Variants in GAK observed in about 807,000 individuals in gnomAD.
GAK encodes the protein cyclin-G-associated kinase.
GAK carries 79 observed loss-of-function variants against 143.9 expected under a neutral mutation model. The ratio of observed to expected loss-of-function variants is 0.55; its 90% confidence interval spans 0.46 to 0.66. The LOEUF is 0.66. GAK is among the 30% of genes least tolerant of loss of function. GAK has a pLI of 0.00. For synonymous variants in GAK, 881 were observed against 765.5 expected (o/e 1.15, Z -2.49); for missense variants, 1,693 against 1,779.7 (o/e 0.95, Z 0.88).
At chr4:910,349 C>T (rs191279375) in intron 4 of GAK, among the ~76,000 whole-genome samples, 7 of 128,346 alleles carry the variant, frequency 5.5e-5, no homozygotes, top group Admixed American at 4.7e-4. Context: ...CAGGGCCCCC[C>T]CAACTAAATG....
chr4:884,048 G>C lies in GAK; in HGVS notation c.1244C>G (p.Ser415Cys). 1 of 1,613,838 alleles carries C rather than the reference G, an allele frequency of 6.2e-7. No individual in the cohort carries two copies. Residue 415 changes from serine to cysteine, a missense_variant, in exon 12 of 28, where the codon TCC (serine) becomes TGC (cysteine). Around this residue, in one of 2 missense-constraint regions of GAK, gnomAD observed 871 missense variants for 991.0 expected, o/e 0.88. Coordinates refer to ENST00000314167, the MANE Select transcript of GAK (RefSeq NM_005255.4). The stretch of plus-strand genomic sequence containing the variant: ...TGTGGCACGCATACCTGCAATTCTG[G>C]ATGTGATGTAAGATATGTCCAGGTC... Reference protein sequence around the residue: ...KGDLDISYITSRIAVMSFPAE... With the variant: ...KGDLDISYITCRIAVMSFPAE...
intron 18 of GAK, among the ~76,000 whole-genome samples, chr4:871,342 G>A (rs1022209163): frequency 1.3e-5 from 2 of 152,212 alleles, no homozygotes; most frequent in African/African-American, 4.8e-5. Context: ...TCCAAGGCAG[G>A]CGCTGGCCCT....
At chr4:929,614 G>C (rs894700487) in intron 1 of GAK, among the ~76,000 whole-genome samples, 2 of 151,908 alleles carry the variant, frequency 1.3e-5, no homozygotes, top group African/African-American at 4.8e-5. Context: ...AGCTACTCGG[G>C]AGGCCGAGGC....
intron 19 of GAK, chr4:869,446 G>A (rs1199303810): frequency 3.2e-5 from 4 of 124,978 alleles, no homozygotes; most frequent in African/African-American, 1.3e-4. Context: ...ACAGTACACA[G>A]GAATGCACAC....
At chr4:862,657 C>CA (rs34817637) in intron 23 of GAK, among the ~76,000 whole-genome samples, 24,570 of 123,372 alleles carry the variant, frequency 0.2, 2,183 homozygotes, top group Middle Eastern at 0.35. Flanking sequence ...GACTCTGTCT[C>CA]AAAAAAAAAA....
chr4:917,307 T>C (rs1312132384), intron 1 of GAK, among the ~76,000 whole-genome samples: 1 of 148,180 alleles, frequency 6.7e-6, no homozygotes, highest in African/African-American at 2.5e-5. Context: ...AATGAATCTA[T>C]AGTAACAGAA....
chr4:910,379 G>A (rs957801946), intron 4 of GAK, among the ~76,000 whole-genome samples: 3 of 115,528 alleles, frequency 2.6e-5, no homozygotes, highest in East Asian at 2.4e-4. Context: ...CACAAAGCAC[G>A]GGATGCCCCC....
At chr4:862,685 A>C (rs1338291546) in intron 23 of GAK, among the ~76,000 whole-genome samples, 1 of 151,618 alleles carries the variant, frequency 6.6e-6, no homozygotes, top group Non-Finnish European at 1.5e-5. Flanking sequence ...TTCTAAATTG[A>C]CTCGGCTTGT....
At position 932,292 on chromosome 4, in the gene GAK, C is replaced by T; in HGVS notation, c.-105G>A. ...AGCAACCGCCGGCCCGGAGGTGCAC[C>T]ATCTTCCGCCTCGACGCCGTGACGT... On this transcript the variant is annotated 5_prime_UTR_variant, in exon 1 of 28. An upstream start codon of the reference 5' UTR is lost. Transcript: ENST00000314167. The surrounding 1 kb of genome is among the most constrained non-coding windows in gnomAD (Gnocchi z 4.0). 3.6e-6 allele frequency: 5 copies of T among 1,388,586 alleles called. No individual in the cohort carries two copies. The highest frequency in any genetic ancestry group is 4.6e-6 in the Non-Finnish European group (5 of 1,079,402). 86.0% of individuals were successfully genotyped at this position (1,388,586 alleles called of 1,614,324 possible). A position where few individuals can be genotyped will look rare whatever the true frequency, so the allele number is the denominator to read the frequency against.
At chr4:861,770 A>G (rs1386143346) in intron 23 of GAK, among the ~76,000 whole-genome samples, 1 of 152,212 alleles carries the variant, frequency 6.6e-6, no homozygotes. Flanking sequence ...TCTGGAGAGA[A>G]GGTCGGACCA....
At chr4:884,539 G>A (rs559329615) in intron 11 of GAK, 181 of 164,648 alleles carry the variant, frequency 1.1e-3, no homozygotes, top group Middle Eastern at 2.9e-3. Flanking sequence ...TCCAGCAGAC[G>A]CCGCTGGAGG....
chr4:859,861 C>T lies in GAK; in HGVS notation c.3167-139G>A, dbSNP rs983242823. On this transcript the variant is annotated intron_variant, in intron 23 of 27. Coordinates refer to ENST00000314167, the MANE Select transcript of GAK (RefSeq NM_005255.4). The stretch of plus-strand genomic sequence containing the variant: ...CTGGCACCTGCATGGCTTGCGTGCA[C>T]GAGACCAGCCAGGACAGAGGTGTGT... The T allele has an allele frequency of 9.4e-5, 61 of 649,010 alleles. 6 individuals carry two copies. Among genetic ancestry groups the T allele is most frequent in the East Asian group, 1.0e-4 (4 of 38,304 alleles). The allele number at this position is 649,010 out of a possible 1,614,324, so 40.2% of individuals were successfully genotyped here.
At chr4:904,901 T>A in intron 4 of GAK, 122 bp from the exon 5 acceptor site, 17 of 965,798 alleles carry the variant, frequency 1.8e-5, no homozygotes, top group Admixed American at 2.7e-5. Context: ...TTTCCACACC[T>A]AAGTAACAAA....
intron 1 of GAK, among the ~76,000 whole-genome samples, chr4:927,036 C>G (rs549147362): frequency 9.3e-4 from 32 of 34,230 alleles, no homozygotes; most frequent in Non-Finnish European, 1.5e-3. Flanking sequence ...CACCCCTCCC[C>G]GCTCACCTGC....
chr4:876,646 G>A (rs1294506697), intron 17 of GAK, 37 bp from the exon 18 acceptor site: 7 of 1,585,344 alleles, frequency 4.4e-6, no homozygotes, highest in Non-Finnish European at 6.1e-6. Context: ...CACGTGGAGG[G>A]TGAATCCAGA....
chr4:866,337 G>A (rs756743772), intron 22 of GAK, 27 bp downstream of exon 22: 3 of 1,609,126 alleles, frequency 1.9e-6, no homozygotes, highest in South Asian at 1.1e-5. Flanking sequence ...GCCATGGAGA[G>A]CTGGCTGCCA....
chr4:849,832 G>GGGGGGGGGGGGC, intron 27 of GAK, 58 bp from the exon 28 acceptor site: 4 of 1,256,596 alleles, frequency 3.2e-6, no homozygotes, highest in Non-Finnish European at 3.3e-6. Context: ...GGGCGGGGCA[G>GGGGGGGGGGGGC]GACCCCCCCC....
chr4:876,737 C>T (rs747009626), intron 17 of GAK, 128 bp from the exon 18 acceptor site: 35 of 768,828 alleles, frequency 4.6e-5, no homozygotes, highest in Middle Eastern at 2.3e-4. Context: ...ACGGCGCCCC[C>T]GTGCCACATG....
In GAK at chr4:866,415, A is replaced by G; in HGVS notation, c.2992T>C (p.Ser998Pro). The G allele has an allele frequency of 6.2e-7, 1 of 1,614,094 alleles. No individual in the cohort carries two copies. The highest frequency in any genetic ancestry group is 8.5e-7 in the Non-Finnish European group (1 of 1,179,972). ...GATGGGGGCGGAGCACTGTGGGCAGACGGGAAGGATGGTGGGACGGTCACA... is the reference window on the plus strand; with the variant it reads ...GATGGGGGCGGAGCACTGTGGGCAGGCGGGAAGGATGGTGGGACGGTCACA... The part of the protein sequence containing the change: ...DSVTVPPSFP[S>P]AHSAPPPSCS... Residue 998 changes from serine to proline, a missense_variant, in exon 22 of 28, where the codon TCT (serine) becomes CCT (proline). This residue lies in a region of GAK where 822 missense variants were observed against 788.7 expected (regional missense o/e 1.04). Transcript: ENST00000314167.
Sources: gnomAD v4.1 joint callset for allele counts (sites outside exome capture counted in the v4.1 genomes callset) on GRCh38, gnomAD v4.1.1 for gene constraint, gnomAD v4.1.1 regional missense constraint, Gnocchi (gnomAD v3.1) non-coding constraint, MANE v1.5 for transcripts, NCBI Gene and HGNC (gene_info 2026-07-23, HGNC 2026-07-21) for gene names.